The following NFIL3 variants were observed in gnomAD, a reference collection of about 807,000 sequenced individuals.
NFIL3 encodes the protein nuclear factor interleukin-3-regulated protein.
In NFIL3, 5 loss-of-function variants were observed where a neutral mutation model predicts 10.0. The ratio of observed to expected loss-of-function variants is 0.50; its 90% CI spans 0.26 to 1.06. The LOEUF (loss-of-function observed/expected upper bound fraction) is 1.06, where lower values mean the gene tolerates loss of function less well. Ranked by LOEUF, NFIL3 falls within the 50% of genes least tolerant of loss-of-function variation. The pLI, the probability that NFIL3 is intolerant of heterozygous loss-of-function variation, is 0.13. For missense variants in NFIL3, 436 were observed against 547.6 expected (o/e 0.80, Z 2.03); for synonymous variants, 202 against 206.5 (o/e 0.98, Z 0.19).
the NFIL3 span, among the ~76,000 whole-genome samples, chr9:91,438,768 C>G: frequency 6.6e-6 from 1 of 152,148 alleles, no homozygotes; most frequent in East Asian, 1.9e-4. Flanking sequence ...GAGAGACTAT[C>G]CTTTCTCCAT....
rs774843585 is a variant in NFIL3, at chr9:91,409,877, A to G, written c.858T>C (p.Ser286=). The G allele has an allele frequency of 6.3e-5, 101 of 1,613,880 alleles. No individual in the cohort carries two copies. Among genetic ancestry groups the G allele is most frequent in the Non-Finnish European group, 8.2e-5 (97 of 1,180,010 alleles). The change falls in exon 2 of 2, where the codon TCT becomes TCC. Residue 286 remains serine, a synonymous_variant. Coordinates refer to ENST00000297689, the MANE Select transcript of NFIL3 (RefSeq NM_005384.3). ...ETDDGVVGKS[S]DGEDEQQVPK... ...GGACCTGTTGCTCGTCTTCTCCATC[A>G]GATGACTTTCCTACCACACCATCAT...
the NFIL3 span, among the ~76,000 whole-genome samples, chr9:91,478,562 T>A: frequency 6.6e-6 from 1 of 152,106 alleles, no homozygotes; most frequent in Non-Finnish European, 1.5e-5. Flanking sequence ...TCAAGGTTCT[T>A]AGCTTCCTTG....
At chr9:91,433,276 T>C in the NFIL3 span, among the ~76,000 whole-genome samples, 1 of 152,230 alleles carries the variant, frequency 6.6e-6, no homozygotes, top group Non-Finnish European at 1.5e-5. Context: ...TTTATTGCTG[T>C]GACTATCGGC....
At chr9:91,471,080 G>A in the NFIL3 span, among the ~76,000 whole-genome samples, 12 of 152,090 alleles carry the variant, frequency 7.9e-5, no homozygotes, top group East Asian at 2.3e-3. Flanking sequence ...ATCCTTGTTA[G>A]CCTTCTGTCT....
chr9:91,463,170 T>C, the NFIL3 span, among the ~76,000 whole-genome samples: 1 of 151,828 alleles, frequency 6.6e-6, no homozygotes, highest in Non-Finnish European at 1.5e-5. Context: ...ACATAGTTTC[T>C]TATTTTCAAT....
upstream of NFIL3, among the ~76,000 whole-genome samples, chr9:91,426,679 T>G (rs35301911): frequency 0.057 from 8,614 of 152,254 alleles, 308 homozygotes; most frequent in Middle Eastern, 0.14. Flanking sequence ...TTTATTATAC[T>G]GCCAACATGG....
intron 1 of NFIL3, among the ~76,000 whole-genome samples, chr9:91,412,664 T>C (rs1222307764): frequency 6.6e-6 from 1 of 151,944 alleles, no homozygotes; most frequent in Non-Finnish European, 1.5e-5. Context: ...GCTAACATGG[T>C]GAAACCCCGT....
chr9:91,467,370 G>A, the NFIL3 span, among the ~76,000 whole-genome samples: 1 of 151,936 alleles, frequency 6.6e-6, no homozygotes, highest in African/African-American at 2.4e-5. Context: ...TTCTTTTAGA[G>A]GGGTGCTAAT....
intron 1 of NFIL3, among the ~76,000 whole-genome samples, chr9:91,415,169 G>A (rs1430906452): frequency 6.6e-6 from 1 of 152,124 alleles, no homozygotes; most frequent in Non-Finnish European, 1.5e-5. Flanking sequence ...GTCGTGGGTG[G>A]GTGGGAGACA....
chr9:91,472,691 A>G, the NFIL3 span, among the ~76,000 whole-genome samples: 1 of 152,154 alleles, frequency 6.6e-6, no homozygotes, highest in Non-Finnish European at 1.5e-5. Context: ...TGACCTTCTG[A>G]AGCCTACTTT....
the NFIL3 span, among the ~76,000 whole-genome samples, chr9:91,460,822 A>G: frequency 6.6e-6 from 1 of 152,204 alleles, no homozygotes; most frequent in Non-Finnish European, 1.5e-5. Context: ...GGGTAAGTGC[A>G]TTGGGCACCC....
At chr9:91,424,202 C>G (rs1417817226), upstream of NFIL3, among the ~76,000 whole-genome samples, 1 of 152,106 alleles carries the variant, frequency 6.6e-6, no homozygotes, top group East Asian at 1.9e-4. Flanking sequence ...CCCGTCCGCT[C>G]TTGGCTCCCT....
the NFIL3 span, among the ~76,000 whole-genome samples, chr9:91,465,418 T>C: frequency 6.6e-6 from 1 of 152,174 alleles, no homozygotes; most frequent in Non-Finnish European, 1.5e-5. Context: ...TGCCACAGTG[T>C]TTTTTACTTC....
At chr9:91,428,597 C>T (rs1472339382), upstream of NFIL3, among the ~76,000 whole-genome samples, 1 of 152,168 alleles carries the variant, frequency 6.6e-6, no homozygotes, top group Non-Finnish European at 1.5e-5. Context: ...CAAAATGTTT[C>T]CTATTAAGCA....
chr9:91,472,124 G>C, the NFIL3 span, among the ~76,000 whole-genome samples: 1 of 152,170 alleles, frequency 6.6e-6, no homozygotes, highest in South Asian at 2.1e-4. Context: ...TTTCTCTCTG[G>C]CTGCCCTTAA....
chr9:91,414,691 CTTA>C (rs1423883278), intron 1 of NFIL3, among the ~76,000 whole-genome samples: 1 of 152,212 alleles, frequency 6.6e-6, no homozygotes, highest in Non-Finnish European at 1.5e-5. Flanking sequence ...ACCACACTAT[CTTA>C]GGATATTTTC....
At position 91,409,583 on chromosome 9, in the gene NFIL3, T is replaced by G; in HGVS notation, c.1152A>C (p.Gln384His). Residue 384 changes from glutamine (Q) to histidine (H), a missense_variant, in exon 2 of 2, where the codon CAA (glutamine) becomes CAC (histidine). Around this residue, in one of 3 missense-constraint regions of NFIL3, gnomAD observed 338 missense variants for 399.9 expected, o/e 0.85. Coordinates refer to ENST00000297689, the MANE Select transcript of NFIL3 (RefSeq NM_005384.3). The part of the protein sequence containing the change: ...VHSSLTPFSV[Q>H]VTNIQDWSLK... ...GAGACCAATCTTGAATGTTAGTCAC[T>G]TGCACTGAGAAAGGAGTAAGAGAAG... 6.2e-7 allele frequency: 1 copy of G among 1,614,230 alleles called. No homozygotes were observed. Among genetic ancestry groups the G allele is most frequent in the Non-Finnish European group, 8.5e-7 (1 of 1,180,030 alleles).
At chr9:91,430,384 A>C in the NFIL3 span, among the ~76,000 whole-genome samples, 1 of 151,982 alleles carries the variant, frequency 6.6e-6, no homozygotes, top group Non-Finnish European at 1.5e-5. Flanking sequence ...GCGCTCATTC[A>C]CTCACTCCCT....
the NFIL3 span, among the ~76,000 whole-genome samples, chr9:91,477,232 T>C: frequency 6.6e-6 from 1 of 152,174 alleles, no homozygotes; most frequent in Non-Finnish European, 1.5e-5. Flanking sequence ...GTTCAGTTCC[T>C]GGGGTTGCCC....
Sources: gnomAD v4.1 joint callset for allele counts (sites outside exome capture counted in the v4.1 genomes callset) on GRCh38, gnomAD v4.1.1 for gene constraint, gnomAD v4.1.1 regional missense constraint, MANE v1.5 for transcripts, NCBI Gene and HGNC (gene_info 2026-07-23, HGNC 2026-07-21) for gene names.